Variants in USH2A observed in about 807,000 individuals in gnomAD.
The protein encoded by USH2A is usherin.
USH2A carries 443 observed loss-of-function variants against 538.9 expected under a neutral mutation model. That is an observed-to-expected ratio of 0.82 (90% CI 0.76 to 0.89). USH2A has a LOEUF of 0.89. Among genes scored for constraint, USH2A ranks in the 40% least tolerant of loss-of-function variants. The pLI is 0.00. For synonymous variants in USH2A, 2,413 were observed against 2,273.5 expected (o/e 1.06, Z -1.75); for missense variants, 6,633 against 6,324.8 (o/e 1.05, Z -1.65).
intron 61 of USH2A, among the ~76,000 whole-genome samples, chr1:215,721,411 T>C (rs1017649706): frequency 1.3e-5 from 2 of 152,106 alleles, no homozygotes; most frequent in South Asian, 4.1e-4. Flanking sequence ...GGAATGAGTC[T>C]TAATCACCAG....
rs527236123 is a variant in USH2A at position 216,418,675 on chromosome 1, C to A, written c.490G>T (p.Val164Phe). ...TGCCCATCTACTGTCTTTTCTATAA[C>A]ACACCTTAGGAAGCAACCGGAAAAG... ...LKPEQQGVMC[V>F]IEKTVDGQIV... is the part of the protein sequence containing the mutation. The change falls in exon 3 of 72, where the codon GTT becomes TTT. Residue 164 changes from valine to phenylalanine, a missense_variant. Transcript: ENST00000307340. 1.9e-6 allele frequency: 3 copies of A among 1,612,888 alleles called. No individual in the cohort carries two copies. The East Asian group carries it at 6.7e-5, about 36-fold the overall frequency.
Position 216,073,086 on chromosome 1 carries a change from C to T in USH2A, c.5776+11G>A. 6.2e-7 allele frequency: 1 copy of T among 1,613,604 alleles called. No individual in the cohort carries two copies. Among genetic ancestry groups the T allele is most frequent in the East Asian group, 2.2e-5 (1 of 44,838 alleles). On this transcript the variant is annotated intron_variant, in intron 28 of 71. Coordinates refer to ENST00000307340, the MANE Select transcript of USH2A (RefSeq NM_206933.4). The stretch of plus-strand genomic sequence containing the variant: ...ACATGTAACATTTAATTTAGAGGAC[C>T]TCCACATTACCTGTAAAAGGCTGGA...
At chr1:216,412,410 G>T (rs2039503554) in intron 3 of USH2A, among the ~76,000 whole-genome samples, 1 of 152,004 alleles carries the variant, frequency 6.6e-6, no homozygotes, top group African/African-American at 2.4e-5. Flanking sequence ...ATAAGGCATG[G>T]GTCAGGTGAT....
At chr1:215,800,113 C>T (rs183114844) in intron 49 of USH2A, among the ~76,000 whole-genome samples, 8 of 152,226 alleles carry the variant, frequency 5.3e-5, no homozygotes, top group African/African-American at 1.7e-4. Flanking sequence ...ATAAAGACAA[C>T]TCTAAAGGAC....
Position 215,634,569 on chromosome 1 carries a change from G to C in USH2A, c.15187C>G (p.Leu5063Val). 1 of 1,614,082 alleles carries C rather than the reference G, an allele frequency of 6.2e-7. No homozygotes were observed. Among genetic ancestry groups the C allele is most frequent in the Non-Finnish European group, 8.5e-7 (1 of 1,180,012 alleles). Residue 5063 changes from leucine (L) to valine (V), a missense_variant, in exon 70 of 72, where the codon CTA becomes GTA. Leu to Val is a conservative substitution (Grantham distance 32, BLOSUM62 1). Coordinates refer to ENST00000307340, the MANE Select transcript of USH2A (RefSeq NM_206933.4). ...GGCTCTTTGTGGATTTTTCTTTGTAGTATCAGGGACAGAAAAATGGCCAAC... is the reference window on the plus strand; with the variant it reads ...GGCTCTTTGTGGATTTTTCTTTGTACTATCAGGGACAGAAAAATGGCCAAC... ...ILLAIFLSLI[L>V]QRKIHKEPYI...
intron 37 of USH2A, among the ~76,000 whole-genome samples, chr1:215,938,922 G>A (rs1418825751): frequency 2.6e-5 from 4 of 152,146 alleles, no homozygotes; most frequent in Admixed American, 1.3e-4. Context: ...CCTACTGGAT[G>A]AGCATCAGAG....
chr1:215,832,073 C>A (rs984806938), intron 47 of USH2A, among the ~76,000 whole-genome samples: 1 of 151,996 alleles, frequency 6.6e-6, no homozygotes, highest in East Asian at 1.9e-4. Flanking sequence ...TCTGCACCCA[C>A]AAGATGACTA....
At chr1:216,218,990 ATG>A (rs34454018) in intron 14 of USH2A, among the ~76,000 whole-genome samples, 137,667 of 150,590 alleles carry the variant, frequency 0.91, 62,954 homozygotes, top group East Asian at 0.97. Context: ...CTCTCAATGT[ATG>A]TGTGTGTGTG....
At chr1:216,248,614 C>T (rs2036098312) in intron 12 of USH2A, among the ~76,000 whole-genome samples, 1 of 151,894 alleles carries the variant, frequency 6.6e-6, no homozygotes, top group East Asian at 1.9e-4. Context: ...GAATGACTCA[C>T]CTAAGGCATA....
intron 44 of USH2A, among the ~76,000 whole-genome samples, chr1:215,856,427 G>A (rs113393702): frequency 1.5e-3 from 227 of 152,054 alleles, no homozygotes; most frequent in African/African-American, 4.7e-3. Flanking sequence ...ACGTGCAAAT[G>A]GCCAAAAAAC....
intron 35 of USH2A, among the ~76,000 whole-genome samples, chr1:215,975,679 T>C (rs1667603527): frequency 6.6e-6 from 1 of 152,212 alleles, no homozygotes; most frequent in Admixed American, 6.5e-5. Flanking sequence ...TCTATGTGTC[T>C]GTTTTTGTAC....
intron 20 of USH2A, among the ~76,000 whole-genome samples, chr1:216,185,821 A>C (rs911620141): frequency 2.6e-5 from 4 of 151,890 alleles, no homozygotes; most frequent in South Asian, 2.1e-4. Flanking sequence ...TTTTGGAAAA[A>C]CATTTAGAAA....
At position 216,246,441 on chromosome 1, in the gene USH2A, T is replaced by C; in HGVS notation, c.2809+144A>G. 4.1e-6 allele frequency: 4 copies of C among 969,940 alleles called. No homozygotes were observed. The Admixed American group carries it at 9.7e-5, about 24-fold the overall frequency. The allele number at this position is 969,940 out of a possible 1,614,324, so 60.1% of individuals were successfully genotyped here. On this transcript the variant is annotated intron_variant, in intron 13 of 71. Coordinates refer to ENST00000307340, the MANE Select transcript of USH2A (RefSeq NM_206933.4). Reference sequence around the variant, plus strand: ...ATTTTGAATAAGTTAAATAGTTATATATGTGTTGGATAATGATATAAATAC... The same window carrying C: ...ATTTTGAATAAGTTAAATAGTTATACATGTGTTGGATAATGATATAAATAC...
chr1:216,198,451 A>G lies in USH2A; in HGVS notation c.3945T>C (p.Asn1315=), dbSNP rs41303257. The G allele has an allele frequency of 0.015, 23,504 of 1,614,006 alleles. 213 individuals are homozygous for G. Among genetic ancestry groups the G allele is most frequent in the Middle Eastern group, 0.031 (188 of 6,062 alleles). ...PHSFVESANE[N]ALKPPQTMTT... The stretch of plus-strand genomic sequence containing the variant: ...TCATTGTTTGAGGAGGTTTTAATGC[A>G]TTTTCATTGGCCGATTCTACAAATG... The change falls in exon 18 of 72, where the codon AAT becomes AAC. Residue 1315 remains asparagine, a synonymous_variant. Coordinates refer to ENST00000307340, the MANE Select transcript of USH2A (RefSeq NM_206933.4).
At chr1:216,010,875 C>T (rs12732070) in intron 32 of USH2A, among the ~76,000 whole-genome samples, 134,482 of 150,494 alleles carry the variant, frequency 0.89, 60,211 homozygotes, top group African/African-American at 0.96. Flanking sequence ...CCTCTTGTAT[C>T]CCCCGACCTT....
At chr1:216,364,821 G>C in intron 4 of USH2A, 132 bp downstream of exon 4, 1 of 1,208,396 alleles carries the variant, frequency 8.3e-7, no homozygotes, top group Non-Finnish European at 1.2e-6. Flanking sequence ...CTGCCATCCA[G>C]TTGGTGGTAA....
intron 64 of USH2A, among the ~76,000 whole-genome samples, chr1:215,669,143 T>C (rs1571944031): frequency 1.3e-5 from 2 of 152,128 alleles, no homozygotes; most frequent in African/African-American, 4.8e-5. Flanking sequence ...CAGAGAAAGT[T>C]TGTGTTTCTT....
intron 45 of USH2A, among the ~76,000 whole-genome samples, 154 bp from the exon 46 acceptor site, chr1:215,844,650 T>A (rs1205958065): frequency 6.6e-6 from 1 of 152,226 alleles, no homozygotes. Context: ...CCTCTGTAAA[T>A]TGGCTTATTA....
intron 60 of USH2A, among the ~76,000 whole-genome samples, chr1:215,734,982 T>C (rs2102720003): frequency 6.6e-6 from 1 of 152,344 alleles, no homozygotes. Context: ...CCAAAGTCAC[T>C]TCCACATTTT....
Sources: gnomAD v4.1 joint callset for allele counts (sites outside exome capture counted in the v4.1 genomes callset) on GRCh38, gnomAD v4.1.1 for gene constraint, MANE v1.5 for transcripts, NCBI Gene and HGNC (gene_info 2026-07-23, HGNC 2026-07-21) for gene names.